Variants in KSR2 observed in about 807,000 individuals in gnomAD.
KSR2 encodes the protein kinase suppressor of ras 2.
KSR2 carries 25 observed loss-of-function variants against 107.8 expected under a neutral mutation model. The observed-to-expected ratio is 0.23, with a 90% CI of 0.17 to 0.32. The LOEUF is 0.32. Among genes scored for constraint, KSR2 ranks in the 10% least tolerant of loss-of-function variants. KSR2 has a pLI of 1.00. For synonymous variants in KSR2, 480 were observed against 507.0 expected, an observed-to-expected ratio of 0.95 and a Z score of 0.71; for missense variants, 887 against 1,268.9, an observed-to-expected ratio of 0.70 and a Z score of 4.57.
At chr12:117,859,139 C>CTTTT (rs34697963) in intron 2 of KSR2, among the ~76,000 whole-genome samples, 11 of 81,124 alleles carry the variant, frequency 1.4e-4, no homozygotes, top group East Asian at 4.0e-4. Context: ...ATGAGCTGAA[C>CTTTT]TTTTTTTTTT....
In KSR2 at chr12:117,463,933, T is replaced by G. The variant is rs1437282805; in HGVS notation, c.*3266A>C. ...ATATCAGTCAAGGGCTTCTATTGAC[T>G]GACAATCCAAGGTAGCTGTGGAGAC... On this transcript the variant is annotated 3_prime_UTR_variant, in exon 20 of 20. Coordinates refer to ENST00000339824, the MANE Select transcript of KSR2 (RefSeq NM_173598.6). 6.6e-6 allele frequency: 1 copy of G among 152,034 alleles called. No homozygotes were observed. Among genetic ancestry groups the G allele is most frequent in the Non-Finnish European group, 1.5e-5 (1 of 68,026 alleles). The allele number at this position is 152,034 out of a possible 1,614,324, so 9.4% of individuals were successfully genotyped here.
At chr12:117,633,988 C>G (rs995703711) in intron 5 of KSR2, among the ~76,000 whole-genome samples, 1 of 152,184 alleles carries the variant, frequency 6.6e-6, no homozygotes, top group Non-Finnish European at 1.5e-5. Context: ...AATTTTGGAA[C>G]TATCTGGATG....
At chr12:117,602,602 A>C (rs1881018288) in intron 5 of KSR2, among the ~76,000 whole-genome samples, 1 of 152,190 alleles carries the variant, frequency 6.6e-6, no homozygotes, top group Non-Finnish European at 1.5e-5. Flanking sequence ...ATAATATTTC[A>C]TTGTGTGATA....
At chr12:117,617,396 A>T (rs1881947768) in intron 5 of KSR2, among the ~76,000 whole-genome samples, 1 of 152,172 alleles carries the variant, frequency 6.6e-6, no homozygotes, top group African/African-American at 2.4e-5. Context: ...TGAAATATTC[A>T]TTTGACTTTT....
intron 7 of KSR2, among the ~76,000 whole-genome samples, chr12:117,570,848 C>G (rs1408807658): frequency 6.6e-6 from 1 of 152,216 alleles, no homozygotes; most frequent in Non-Finnish European, 1.5e-5. Context: ...GAACTCAGCT[C>G]TCTCTCTGCA....
chr12:117,568,427 C>T (rs1878669521), intron 7 of KSR2, among the ~76,000 whole-genome samples: 1 of 152,170 alleles, frequency 6.6e-6, no homozygotes, highest in African/African-American at 2.4e-5. Context: ...AGCAGAGTGA[C>T]ATGTAGCATT....
chr12:117,966,427 C>T (rs1896787510), intron 1 of KSR2, among the ~76,000 whole-genome samples: 1 of 152,014 alleles, frequency 6.6e-6, no homozygotes, highest in South Asian at 2.1e-4. Context: ...AACAGAGCTC[C>T]GGCCTCACCT....
intron 4 of KSR2, among the ~76,000 whole-genome samples, chr12:117,698,313 G>A (rs1037156791): frequency 1.3e-5 from 2 of 150,914 alleles, no homozygotes; most frequent in Non-Finnish European, 2.9e-5. Context: ...GGCTTCTTGG[G>A]TGTCTCTCAG....
intron 1 of KSR2, among the ~76,000 whole-genome samples, chr12:117,925,922 A>G (rs1036904416): frequency 3.3e-5 from 5 of 152,172 alleles, no homozygotes; most frequent in Non-Finnish European, 5.9e-5. Context: ...CTGGAATCAA[A>G]CAACAGAGAA....
chr12:117,868,071 T>A (rs1032725725), intron 1 of KSR2, among the ~76,000 whole-genome samples: 18 of 152,176 alleles, frequency 1.2e-4, no homozygotes, highest in African/African-American at 4.3e-4. Flanking sequence ...AAGAAGACAC[T>A]AGATCCCTTA....
intron 1 of KSR2, among the ~76,000 whole-genome samples, chr12:117,952,543 G>T (rs968516359): frequency 2.0e-5 from 3 of 151,934 alleles, no homozygotes; most frequent in Non-Finnish European, 4.4e-5. Flanking sequence ...AGGTGTGGTG[G>T]CATGTGCCTG....
rs111584827 is a variant in KSR2, at chr12:117,529,545, A to G, written c.1802+1396T>C. ...TGACTTCACTTCTGCTGCACAAGCA[A>G]TAAACCACCTGAAAAGAGGGTCTGT... On this transcript the variant is annotated intron_variant, in intron 12 of 19. Coordinates refer to ENST00000339824, the MANE Select transcript of KSR2 (RefSeq NM_173598.6). Among the ~76,000 whole-genome samples, 1,325 of 152,260 alleles carry G rather than the reference A, an allele frequency of 8.7e-3. 25 individuals are homozygous for G. The highest frequency in any genetic ancestry group is 0.03 in the African/African-American group (1,248 of 41,556).
chr12:117,607,022 T>C (rs980814640), intron 5 of KSR2, among the ~76,000 whole-genome samples: 1 of 152,136 alleles, frequency 6.6e-6, no homozygotes, highest in African/African-American at 2.4e-5. Context: ...GGGAGTTCTG[T>C]AGGTGATGGG....
At chr12:117,961,275 T>A (rs1193524653) in intron 1 of KSR2, among the ~76,000 whole-genome samples, 2 of 151,398 alleles carry the variant, frequency 1.3e-5, no homozygotes, top group Non-Finnish European at 2.9e-5. Context: ...CCAATGATAA[T>A]GCTGCAGAGG....
intron 1 of KSR2, among the ~76,000 whole-genome samples, chr12:117,910,340 G>GCT (rs1207909826): frequency 6.6e-5 from 10 of 152,180 alleles, no homozygotes; most frequent in Non-Finnish European, 1.3e-4. Context: ...AACCAAGAGA[G>GCT]AGTGCCCATT....
intron 4 of KSR2, among the ~76,000 whole-genome samples, chr12:117,737,807 A>C (rs902419775): frequency 7.3e-6 from 1 of 137,030 alleles, no homozygotes; most frequent in African/African-American, 2.8e-5. Context: ...AAAAAAAAAG[A>C]CTTTTTGTTA....
At chr12:117,874,816 GAAGA>G (rs375579943) in intron 1 of KSR2, among the ~76,000 whole-genome samples, 35 of 149,234 alleles carry the variant, frequency 2.3e-4, no homozygotes, top group African/African-American at 8.1e-4. Flanking sequence ...TGAAGAAGAA[GAAGA>G]AAAAAAAAAA....
chr12:117,691,284 T>C (rs936214041), intron 4 of KSR2, among the ~76,000 whole-genome samples: 9 of 152,178 alleles, frequency 5.9e-5, no homozygotes, highest in Non-Finnish European at 8.8e-5. Flanking sequence ...CAATGTCAGA[T>C]ACAACTTTTA....
chr12:117,697,736 T>G (rs1193263161), intron 4 of KSR2, among the ~76,000 whole-genome samples: 1 of 129,414 alleles, frequency 7.7e-6, no homozygotes, highest in Admixed American at 7.7e-5. Context: ...CGAGACTCCA[T>G]CTCAAAAAAA....
Sources: gnomAD v4.1 joint callset for allele counts (sites outside exome capture counted in the v4.1 genomes callset) on GRCh38, gnomAD v4.1.1 for gene constraint, MANE v1.5 for transcripts, NCBI Gene and HGNC (gene_info 2026-07-23, HGNC 2026-07-21) for gene names.